Variants in PCDHGA7 observed in about 807,000 individuals in gnomAD.
The protein encoded by PCDHGA7 is protocadherin gamma subfamily A, 7, also known as protocadherin gamma-A7.
A neutral mutation model predicts 58.3 loss-of-function variants in PCDHGA7; 44 were observed. That is an observed-to-expected ratio of 0.75 (90% CI 0.59 to 0.97). The LOEUF (loss-of-function observed/expected upper bound fraction) is 0.97, where lower values mean the gene tolerates loss of function less well. Ranked by LOEUF, PCDHGA7 falls within the 50% of genes least tolerant of loss-of-function variation. The probability of loss-of-function intolerance (pLI) is 0.00; values close to 1 mark genes in which losing one functional copy is unlikely to be tolerated. For missense variants in PCDHGA7, 1,266 were observed against 1,188.7 expected (o/e 1.06, Z -0.96); for synonymous variants, 516 against 504.2 (o/e 1.02, Z -0.31).
At position 141,477,197 on chromosome 5, in the gene PCDHGA7, G is replaced by A. The variant is rs781504885; in HGVS notation, c.2425-17610G>A. ...CACAGTCACCTCCGTGTACAGCCCA[G>A]TACCCGAGGATGCCCCTCTGGGGAC... On this transcript the variant is annotated intron_variant, in intron 1 of 3. Coordinates refer to ENST00000518325, the MANE Select transcript of PCDHGA7 (RefSeq NM_018920.4). The surrounding 1 kb of genome is among the most constrained non-coding windows in gnomAD (Gnocchi z 4.9). 1 of 1,614,210 alleles carries A rather than the reference G, an allele frequency of 6.2e-7. No homozygotes were observed. Among genetic ancestry groups the A allele is most frequent in the East Asian group, 2.2e-5 (1 of 44,874 alleles).
intron 2 of PCDHGA7, among the ~76,000 whole-genome samples, chr5:141,497,006 T>C (rs947830895): frequency 1.3e-5 from 2 of 151,678 alleles, no homozygotes; most frequent in South Asian, 2.1e-4. Context: ...GCAGCCAACA[T>C]GGTGAAACCC....
rs775654786 is a variant in PCDHGA7 at position 141,491,718 on chromosome 5, G to A, written c.2425-3089G>A. Reference sequence around the variant, plus strand: ...GGAGCCAGGTGAGGGGCTCGGCGCCGCCCCGGGCGACCCCTGGGGGCGGCA... The same window carrying A: ...GGAGCCAGGTGAGGGGCTCGGCGCCACCCCGGGCGACCCCTGGGGGCGGCA... On this transcript the variant is annotated intron_variant, in intron 1 of 3. Coordinates refer to ENST00000518325, the MANE Select transcript of PCDHGA7 (RefSeq NM_018920.4). This position sits in a 1 kb window ranked among gnomAD's most constrained non-coding sequence, Gnocchi z 6.9. 1 of 1,607,600 alleles carries A rather than the reference G, an allele frequency of 6.2e-7. No homozygotes were observed. The highest frequency in any genetic ancestry group is 2.2e-5 in the East Asian group (1 of 44,690).
At position 141,487,152 on chromosome 5, in the gene PCDHGA7, C is replaced by T. The variant is rs772254681; in HGVS notation, c.2425-7655C>T. On this transcript the variant is annotated intron_variant, in intron 1 of 3. Coordinates refer to ENST00000518325, the MANE Select transcript of PCDHGA7 (RefSeq NM_018920.4). The surrounding 1 kb of genome is among the most constrained non-coding windows in gnomAD (Gnocchi z 5.0). ...AGTCCACCACTCTCTACCTCTGTTA[C>T]TCTCTTAGTGTCCTTAGAGGAAGAC... 3.7e-6 allele frequency: 6 copies of T among 1,613,860 alleles called. No homozygotes were observed. Among genetic ancestry groups the T allele is most frequent in the Non-Finnish European group, 5.1e-6 (6 of 1,179,828 alleles).
rs764919264 is a variant in PCDHGA7, at chr5:141,383,778, T to A, written c.879T>A (p.His293Gln). 2.5e-6 allele frequency: 4 copies of A among 1,614,004 alleles called. No individual in the cohort carries two copies. The South Asian group carries it at 4.4e-5, about 18-fold the overall frequency. ...KITPKLPKMFHLNSLTGEIST... is the reference protein window; with the variant it reads ...KITPKLPKMFQLNSLTGEIST... ...CTCCTAAACTTCCAAAGATGTTTCA[T>A]CTGAACTCGCTTACAGGAGAAATAT... is the stretch of plus-strand genomic sequence containing the variant. The change falls in exon 1 of 4, where the codon CAT (histidine) becomes CAA (glutamine). Residue 293 changes from histidine (H) to glutamine (Q), a missense_variant. Physicochemically the swap from His to Gln is conservative, Grantham distance 24. Coordinates refer to ENST00000518325, the MANE Select transcript of PCDHGA7 (RefSeq NM_018920.4).
chr5:141,419,479 C>A, intron 1 of PCDHGA7: 2 of 1,612,390 alleles, frequency 1.2e-6, no homozygotes, highest in Non-Finnish European at 1.7e-6. Flanking sequence ...AGGGCTCGCC[C>A]GCGCTCAGCG....
At chr5:141,403,146 G>T (rs1400601984) in intron 1 of PCDHGA7, 2 of 1,614,056 alleles carry the variant, frequency 1.2e-6, no homozygotes, top group Middle Eastern at 1.6e-4. Context: ...CGCCGAGTCC[G>T]CATCGTCTCT....
intron 1 of PCDHGA7, chr5:141,412,207 C>T (rs529672287): frequency 1.1e-3 from 173 of 152,330 alleles, no homozygotes; most frequent in African/African-American, 4.1e-3. Flanking sequence ...GGTCATTTGA[C>T]ATAAACACTT....
At position 141,476,813 on chromosome 5, in the gene PCDHGA7, A is replaced by G. The variant is rs749333814; in HGVS notation, c.2425-17994A>G. The G allele has an allele frequency of 6.8e-6, 11 of 1,613,548 alleles. No individual in the cohort carries two copies. Among genetic ancestry groups the G allele is most frequent in the Non-Finnish European group, 9.3e-6 (11 of 1,180,022 alleles). On this transcript the variant is annotated intron_variant, in intron 1 of 3. Transcript: ENST00000518325. The surrounding 1 kb of genome is among the most constrained non-coding windows in gnomAD (Gnocchi z 7.6). ...CTCCGCCAGCCTGCCTATTCACATC[A>G]AGGTGCTGGACGCGAATGACAATGC...
At position 141,489,436 on chromosome 5, in the gene PCDHGA7, T is replaced by C. The variant is rs1002519; in HGVS notation, c.2425-5371T>C. 0.23 allele frequency: 369,130 copies of C among 1,613,832 alleles called. 44,340 individuals are homozygous for C. The highest frequency in any genetic ancestry group is 0.38 in the Admixed American group (23,024 of 60,000). On this transcript the variant is annotated intron_variant, in intron 1 of 3. Transcript: ENST00000518325. The surrounding 1 kb of genome is among the most constrained non-coding windows in gnomAD (Gnocchi z 4.5). ...AGATCTGTTGAGCCGGCGGCTGCAATTGGGCTCTGAGGAGAATGGGCGCTA... is the reference window on the plus strand; with the variant it reads ...AGATCTGTTGAGCCGGCGGCTGCAACTGGGCTCTGAGGAGAATGGGCGCTA...
intron 1 of PCDHGA7, chr5:141,391,737 T>C (rs1050956818): frequency 6.6e-6 from 1 of 152,224 alleles, no homozygotes; most frequent in Non-Finnish European, 1.5e-5. Context: ...TTTGTAGTCA[T>C]ACTTATCCTT....
chr5:141,405,229 C>T, intron 1 of PCDHGA7: 1 of 1,614,144 alleles, frequency 6.2e-7, no homozygotes, highest in Non-Finnish European at 8.5e-7. Context: ...AGTTCTCCCT[C>T]ACCGCTGACT....
intron 1 of PCDHGA7, among the ~76,000 whole-genome samples, chr5:141,463,073 C>G (rs911706393): frequency 6.6e-6 from 1 of 152,110 alleles, no homozygotes; most frequent in African/African-American, 2.4e-5. Flanking sequence ...AAATGAAATT[C>G]AAACATTTTC....
intron 1 of PCDHGA7, among the ~76,000 whole-genome samples, chr5:141,443,577 G>A (rs567410923): frequency 1.3e-5 from 2 of 152,284 alleles, no homozygotes; most frequent in South Asian, 4.1e-4. Context: ...ATGGACTTGA[G>A]CTAAAACAGA....
At chr5:141,393,349 C>G in intron 1 of PCDHGA7, 1 of 1,613,964 alleles carries the variant, frequency 6.2e-7, no homozygotes, top group Non-Finnish European at 8.5e-7. Context: ...CACCACTTCT[C>G]CCTGGACGTG....
rs763187246 is a variant in PCDHGA7 at position 141,477,168 on chromosome 5, A to G, written c.2425-17639A>G. ...GTGGATGTGAATGACAACGCCCCGGAGATCACAGTCACCTCCGTGTACAGC... is the reference window on the plus strand; with the variant it reads ...GTGGATGTGAATGACAACGCCCCGGGGATCACAGTCACCTCCGTGTACAGC... On this transcript the variant is annotated intron_variant, in intron 1 of 3. Transcript: ENST00000518325. The surrounding 1 kb of genome is among the most constrained non-coding windows in gnomAD (Gnocchi z 4.9). The G allele has an allele frequency of 6.2e-7, 1 of 1,614,210 alleles. No homozygotes were observed. Among genetic ancestry groups the G allele is most frequent in the Non-Finnish European group, 8.5e-7 (1 of 1,180,040 alleles).
chr5:141,399,569 G>A (rs1192197329), intron 1 of PCDHGA7: 1 of 1,613,888 alleles, frequency 6.2e-7, no homozygotes, highest in Non-Finnish European at 8.5e-7. Context: ...GGGTTGAACG[G>A]CCAAGTCTCC....
intron 1 of PCDHGA7, among the ~76,000 whole-genome samples, chr5:141,448,604 A>G (rs954578256): frequency 1.3e-5 from 2 of 152,118 alleles, no homozygotes; most frequent in Non-Finnish European, 2.9e-5. Flanking sequence ...AATACTATAC[A>G]CCACTTTATA....
intron 1 of PCDHGA7, chr5:141,389,993 G>T: frequency 6.2e-7 from 1 of 1,614,016 alleles, no homozygotes; most frequent in Non-Finnish European, 8.5e-7. Flanking sequence ...TCTTCCTCGT[G>T]GCCATGATTC....
intron 2 of PCDHGA7, among the ~76,000 whole-genome samples, chr5:141,501,890 A>G (rs1046816316): frequency 6.6e-6 from 1 of 151,980 alleles, no homozygotes; most frequent in Non-Finnish European, 1.5e-5. Flanking sequence ...CCTGATCATC[A>G]TGGTTCCAAC....
Sources: gnomAD v4.1 joint callset for allele counts (sites outside exome capture counted in the v4.1 genomes callset) on GRCh38, gnomAD v4.1.1 for gene constraint, Gnocchi (gnomAD v3.1) non-coding constraint, MANE v1.5 for transcripts, NCBI Gene and HGNC (gene_info 2026-07-23, HGNC 2026-07-21) for gene names.